Variants in USP12 observed in about 807,000 individuals in gnomAD.
The protein encoded by USP12 is ubiquitin carboxyl-terminal hydrolase 12.
USP12 carries 19 observed loss-of-function variants against 45.5 expected under a neutral mutation model. That is an observed-to-expected ratio of 0.42 (90% CI 0.29 to 0.61). The LOEUF (loss-of-function observed/expected upper bound fraction) is 0.61, where lower values mean the gene tolerates loss of function less well. Among genes scored for constraint, USP12 ranks in the 20% least tolerant of loss-of-function variants. USP12 has a pLI of 0.22. For missense variants in USP12, 242 were observed against 447.7 expected (o/e 0.54, Z 4.15); for synonymous variants, 149 against 148.8 (o/e 1.00, Z -0.01).
Position 27,105,865 on chromosome 13 carries a change from T to A in USP12, c.209A>T (p.Tyr70Phe). Residue 70 changes from tyrosine (Y) to phenylalanine (F), a missense_variant, in exon 3 of 9, where the codon TAT becomes TTT. Tyr to Phe is a conservative substitution (Grantham distance 22). Coordinates refer to ENST00000282344, the MANE Select transcript of USP12 (RefSeq NM_182488.4). ...CRPFREKVLA[Y>F]KSQPRKKESL... Reference sequence around the variant, plus strand: ...CTCCTTTTTCCTAGGTTGACTCTTATACGCAAGAACTTTTTCCCGAAATGG... The same window carrying A: ...CTCCTTTTTCCTAGGTTGACTCTTAAACGCAAGAACTTTTTCCCGAAATGG... 1.9e-6 allele frequency: 3 copies of A among 1,613,836 alleles called. No homozygotes were observed. The highest frequency in any genetic ancestry group is 8.5e-7 in the Non-Finnish European group (1 of 1,179,816).
In USP12 at chr13:27,087,099, C is replaced by CTGTG. The variant is rs72206222; in HGVS notation, c.734+2780_734+2783dup. Among the ~76,000 whole-genome samples the CTGTG allele has an allele frequency of 5.6e-3, 827 of 147,120 alleles. 4 individuals are homozygous for CTGTG. Among genetic ancestry groups the CTGTG allele is most frequent in the African/African-American group, 0.016 (644 of 40,232 alleles). On this transcript the variant is annotated intron_variant, in intron 6 of 8. Transcript: ENST00000282344. ...GGAAGTCAAAGCAGAGGGGAAGGGGCTGTGTGTGTGTGTGTGTGTGTGTGC... is the reference window on the plus strand; with the variant it reads ...GGAAGTCAAAGCAGAGGGGAAGGGGCTGTGTGTGTGTGTGTGTGTGTGTGTGTGC...
chr13:27,137,662 A>G (rs1279165801), intron 1 of USP12, among the ~76,000 whole-genome samples: 1 of 152,198 alleles, frequency 6.6e-6, no homozygotes, highest in Admixed American at 6.5e-5. Context: ...GCAGAAATTA[A>G]AGTGTTCCCC....
intron 2 of USP12, among the ~76,000 whole-genome samples, chr13:27,113,524 G>C (rs1593191363): frequency 1.3e-5 from 2 of 152,260 alleles, no homozygotes; most frequent in South Asian, 4.2e-4. Context: ...CAGCAGAGTA[G>C]ACCAGACATT....
At chr13:27,127,449 T>A (rs573465255) in intron 1 of USP12, among the ~76,000 whole-genome samples, 2 of 152,330 alleles carry the variant, frequency 1.3e-5, no homozygotes, top group African/African-American at 4.8e-5. Flanking sequence ...GTACAACCAG[T>A]TATCAAGCTC....
intron 1 of USP12, chr13:27,170,254 C>A: frequency 2.5e-6 from 1 of 398,078 alleles, no homozygotes; most frequent in South Asian, 1.3e-4. Context: ...TGATTTCAGT[C>A]ATTTTTTGTA....
intron 1 of USP12, among the ~76,000 whole-genome samples, chr13:27,138,955 TCA>T (rs1229985605): frequency 6.6e-6 from 1 of 152,174 alleles, no homozygotes; most frequent in African/African-American, 2.4e-5. Context: ...TCCCAAGGTG[TCA>T]CAGTTTCAAC....
chr13:27,103,598 C>CA (rs376135830), intron 3 of USP12, among the ~76,000 whole-genome samples: 10 of 128,748 alleles, frequency 7.8e-5, no homozygotes, highest in African/African-American at 1.2e-4. Flanking sequence ...ATTGAACTAT[C>CA]AAAAAAAAAA....
chr13:27,067,656 A>G lies in USP12; in HGVS notation c.*1627T>C, dbSNP rs1476493867. ...CAAAAGATACAGATAATAAATGTTA[A>G]TAATAGCAGCAGACTAAAAAATTCC... On this transcript the variant is annotated 3_prime_UTR_variant, in exon 9 of 9. Coordinates refer to ENST00000282344, the MANE Select transcript of USP12 (RefSeq NM_182488.4). 1 of 152,244 alleles carries G rather than the reference A, an allele frequency of 6.6e-6. No individual in the cohort carries two copies. Among genetic ancestry groups the G allele is most frequent in the African/African-American group, 2.4e-5 (1 of 41,468 alleles). The allele number at this position is 152,244 out of a possible 1,614,324, so 9.4% of individuals were successfully genotyped here.
At chr13:27,081,506 C>T (rs61946485) in intron 6 of USP12, among the ~76,000 whole-genome samples, 8,681 of 152,266 alleles carry the variant, frequency 0.057, 293 homozygotes, top group Middle Eastern at 0.095. Context: ...CACTGAAGTT[C>T]GAATCCCTCA....
chr13:27,095,541 GAAC>G (rs1386419011), intron 4 of USP12, 57 bp downstream of exon 4: 9 of 1,229,604 alleles, frequency 7.3e-6, no homozygotes, highest in Non-Finnish European at 1.0e-5. Flanking sequence ...CTTTCTCAAA[GAAC>G]AACCTTTAAC....
intron 1 of USP12, among the ~76,000 whole-genome samples, 155 bp downstream of exon 1, chr13:27,171,437 T>C (rs1878603538): frequency 7.2e-6 from 1 of 139,308 alleles, no homozygotes; most frequent in African/African-American, 2.6e-5. Flanking sequence ...CTGCGCGCCG[T>C]CCAACCGCCC....
At chr13:27,102,696 G>T (rs1169041701) in intron 3 of USP12, among the ~76,000 whole-genome samples, 2 of 152,172 alleles carry the variant, frequency 1.3e-5, no homozygotes, top group African/African-American at 4.8e-5. Context: ...ATATGAACTA[G>T]CAACTCCCTC....
At chr13:27,131,978 T>G (rs954121781) in intron 1 of USP12, among the ~76,000 whole-genome samples, 5 of 152,238 alleles carry the variant, frequency 3.3e-5, no homozygotes, top group Admixed American at 3.3e-4. Context: ...TAATTTTTAT[T>G]ACGTGTCACT....
At chr13:27,101,050 C>T (rs1379801262) in intron 3 of USP12, among the ~76,000 whole-genome samples, 1 of 152,188 alleles carries the variant, frequency 6.6e-6, no homozygotes, top group Non-Finnish European at 1.5e-5. Context: ...TTTCTGGATG[C>T]TCTTTTAACA....
chr13:27,168,434 A>G (rs565909512), intron 1 of USP12, among the ~76,000 whole-genome samples: 44 of 152,198 alleles, frequency 2.9e-4, no homozygotes, highest in African/African-American at 1.0e-3. Flanking sequence ...ATGACGGACC[A>G]CCCGGATTAG....
intron 8 of USP12, among the ~76,000 whole-genome samples, chr13:27,070,244 G>C (rs7333284): frequency 1.3e-5 from 2 of 152,114 alleles, no homozygotes; most frequent in Non-Finnish European, 2.9e-5. Context: ...TTCAAGCCTA[G>C]GCAAAATTAA....
intron 6 of USP12, among the ~76,000 whole-genome samples, chr13:27,079,522 G>A (rs2137758898): frequency 6.6e-6 from 1 of 152,260 alleles, no homozygotes; most frequent in East Asian, 1.9e-4. Context: ...GCTGGAGGAA[G>A]GACTGACATT....
At chr13:27,156,569 G>C (rs1200211049) in intron 1 of USP12, among the ~76,000 whole-genome samples, 1 of 152,232 alleles carries the variant, frequency 6.6e-6, no homozygotes, top group Admixed American at 6.5e-5. Flanking sequence ...TGTAATCCCA[G>C]CACTTTGGGA....
chr13:27,155,811 C>T (rs778392282), intron 1 of USP12, among the ~76,000 whole-genome samples: 10 of 152,200 alleles, frequency 6.6e-5, no homozygotes, highest in East Asian at 5.8e-4. Context: ...AGTCTAGATG[C>T]GGAAAAGGTT....
Sources: gnomAD v4.1 joint callset for allele counts (sites outside exome capture counted in the v4.1 genomes callset) on GRCh38, gnomAD v4.1.1 for gene constraint, MANE v1.5 for transcripts, NCBI Gene and HGNC (gene_info 2026-07-23, HGNC 2026-07-21) for gene names.